ZNF536: variants seen among roughly 807,000 people sequenced by gnomAD.
ZNF536 encodes zinc finger protein 536.
A neutral mutation model predicts 84.5 loss-of-function variants in ZNF536; 13 were observed. The ratio of observed to expected loss-of-function variants is 0.15; its 90% CI spans 0.10 to 0.24. The LOEUF (loss-of-function observed/expected upper bound fraction) is 0.24, where lower values mean the gene tolerates loss of function less well. Among genes scored for constraint, ZNF536 ranks in the 10% least tolerant of loss-of-function variants. The probability of loss-of-function intolerance (pLI) is 1.00; values close to 1 mark genes in which losing one functional copy is unlikely to be tolerated. For missense variants in ZNF536, 1,536 were observed against 1,747.5 expected, an observed-to-expected ratio of 0.88 and a Z score of 2.16; for synonymous variants, 811 against 742.5, an observed-to-expected ratio of 1.09 and a Z score of -1.50.
At position 30,515,734 on chromosome 19, in the gene ZNF536, C is replaced by G. The variant is rs191917443; in HGVS notation, c.2171-19113C>G. Among the ~76,000 whole-genome samples the G allele has an allele frequency of 2.9e-4, 44 of 152,148 alleles. 1 individual carries two copies. Among genetic ancestry groups the G allele is most frequent in the Non-Finnish European group, 5.9e-4 (40 of 67,978 alleles). On this transcript the variant is annotated intron_variant, in intron 2 of 4. Transcript: ENST00000355537. Reference sequence around the variant, plus strand: ...AAGTAAAATAAGAATGCCCATTGCTCTAGGCCAGGCGTGGTGGCTCACCCC... The same window carrying G: ...AAGTAAAATAAGAATGCCCATTGCTGTAGGCCAGGCGTGGTGGCTCACCCC...
intron 1 of ZNF536, among the ~76,000 whole-genome samples, chr19:30,416,769 G>A (rs919126266): frequency 1.3e-5 from 2 of 152,106 alleles, no homozygotes; most frequent in African/African-American, 4.8e-5. Context: ...CCTCACTCTA[G>A]AACATTTTTT....
At chr19:30,576,221 G>C (rs1444999820) in intron 1 of ZNF536, among the ~76,000 whole-genome samples, 1 of 152,218 alleles carries the variant, frequency 6.6e-6, no homozygotes, top group Non-Finnish European at 1.5e-5. Context: ...GGGGACCCAT[G>C]GGTGGGAAGG....
Position 30,437,128 on chromosome 19 carries a change from A to G in ZNF536, c.-2-6433A>G, listed in dbSNP as rs150445258. On this transcript the variant is annotated intron_variant, in intron 1 of 4. Coordinates refer to ENST00000355537, the MANE Select transcript of ZNF536 (RefSeq NM_014717.3). Reference sequence around the variant, plus strand: ...TTCATACAACTTACTGGCAAGATCTATATTTTTTTGGACTATTCATAAGAT... The same window carrying G: ...TTCATACAACTTACTGGCAAGATCTGTATTTTTTTGGACTATTCATAAGAT... 8.5e-5 allele frequency among the ~76,000 whole-genome samples: 13 copies of G among 152,242 alleles called. No homozygotes were observed. In the East Asian group the frequency reaches 2.5e-3, roughly 29 times the overall value.
intron 2 of ZNF536, among the ~76,000 whole-genome samples, chr19:30,509,458 A>G (rs1324265132): frequency 6.8e-6 from 1 of 147,418 alleles, no homozygotes; most frequent in Non-Finnish European, 1.5e-5. Flanking sequence ...TAATTTATAT[A>G]TAATATCTGT....
chr19:30,629,355 G>A (rs973435302), intron 1 of ZNF536, among the ~76,000 whole-genome samples: 3 of 151,954 alleles, frequency 2.0e-5, no homozygotes, highest in African/African-American at 4.8e-5. Context: ...AGGTATCACC[G>A]TGCCTTTCCA....
At chr19:30,705,561 A>G (rs1287497279) in intron 1 of ZNF536, among the ~76,000 whole-genome samples, 2 of 152,078 alleles carry the variant, frequency 1.3e-5, no homozygotes, top group Admixed American at 6.5e-5. Flanking sequence ...TCTCATCTGT[A>G]CAATGGAGCT....
chr19:30,649,008 T>A (rs2049588872), intron 1 of ZNF536, among the ~76,000 whole-genome samples: 1 of 152,164 alleles, frequency 6.6e-6, no homozygotes, highest in South Asian at 2.1e-4. Context: ...TATAGTCTCT[T>A]CACTTCAGGG....
chr19:30,662,645 T>C (rs1030519880), intron 1 of ZNF536, among the ~76,000 whole-genome samples: 21 of 152,280 alleles, frequency 1.4e-4, no homozygotes, highest in Admixed American at 1.3e-3. Flanking sequence ...AGTTTTTCTC[T>C]CTTATTTTTC....
At chr19:30,609,093 T>C (rs1007964153) in intron 1 of ZNF536, among the ~76,000 whole-genome samples, 3 of 152,360 alleles carry the variant, frequency 2.0e-5, no homozygotes, top group African/African-American at 7.2e-5. Context: ...TTCTAGACTA[T>C]CATTGCATTT....
chr19:30,655,252 A>G (rs2049865341), intron 1 of ZNF536, among the ~76,000 whole-genome samples: 1 of 152,246 alleles, frequency 6.6e-6, no homozygotes, highest in Non-Finnish European at 1.5e-5. Flanking sequence ...GACAGACTGC[A>G]TAGGGGTAGC....
At chr19:30,420,018 G>T (rs1176369403) in intron 1 of ZNF536, among the ~76,000 whole-genome samples, 5 of 152,158 alleles carry the variant, frequency 3.3e-5, no homozygotes, top group Admixed American at 3.3e-4. Flanking sequence ...GTGCTTGCAG[G>T]AGTCACAGGC....
At chr19:30,238,101 C>T (rs1405589732) in intron 1 of ZNF536, among the ~76,000 whole-genome samples, 1 of 152,178 alleles carries the variant, frequency 6.6e-6, no homozygotes, top group African/African-American at 2.4e-5. Flanking sequence ...TTAAGGAGCC[C>T]AGAGACCAGC....
intron 3 of ZNF536, among the ~76,000 whole-genome samples, chr19:30,359,396 C>T (rs797016777): frequency 2.6e-5 from 4 of 152,294 alleles, no homozygotes; most frequent in African/African-American, 9.6e-5. Flanking sequence ...GTCCCTGGCC[C>T]CACGCTTCTC....
intron 1 of ZNF536, among the ~76,000 whole-genome samples, chr19:30,612,456 G>A (rs922766183): frequency 3.3e-5 from 5 of 152,104 alleles, no homozygotes; most frequent in African/African-American, 4.8e-5. Flanking sequence ...TTCTCACTGA[G>A]GTCTCTGGAT....
intron 1 of ZNF536, among the ~76,000 whole-genome samples, chr19:30,249,100 A>G (rs10409357): frequency 0.51 from 78,051 of 152,016 alleles, 21,189 homozygotes; most frequent in East Asian, 0.92. Flanking sequence ...AGCACCTTCC[A>G]TGTATTTCAT....
intron 2 of ZNF536, among the ~76,000 whole-genome samples, chr19:30,495,620 A>T (rs1942383854): frequency 6.6e-6 from 1 of 152,238 alleles, no homozygotes; most frequent in African/African-American, 2.4e-5. Context: ...CACAGGGCAG[A>T]AGGGATTTGT....
intron 2 of ZNF536, among the ~76,000 whole-genome samples, chr19:30,481,847 G>T (rs1568473488): frequency 6.6e-6 from 1 of 151,498 alleles, no homozygotes; most frequent in Non-Finnish European, 1.5e-5. Context: ...CCTCCCCAAA[G>T]TCCATCGTAT....
At chr19:30,694,142 C>T (rs2051551247) in intron 1 of ZNF536, among the ~76,000 whole-genome samples, 2 of 152,184 alleles carry the variant, frequency 1.3e-5, no homozygotes, top group South Asian at 4.1e-4. Flanking sequence ...TTGGCCCCTC[C>T]CCTTGTGGCT....
At chr19:30,550,689 G>T (rs550618639) in intron 4 of ZNF536, among the ~76,000 whole-genome samples, 1 of 152,176 alleles carries the variant, frequency 6.6e-6, no homozygotes, top group African/African-American at 2.4e-5. Context: ...ACATCCTGTT[G>T]TTCGTTTAAG....
Sources: allele counts gnomAD v4.1 joint callset (sites outside exome capture counted in the v4.1 genomes callset), GRCh38; gene constraint gnomAD v4.1.1; transcripts MANE v1.5; gene names NCBI Gene and HGNC (gene_info 2026-07-23, HGNC 2026-07-21).